Variants in ADAMTSL1 observed in about 807,000 individuals in gnomAD.
ADAMTSL1 encodes the protein ADAMTS-like protein 1.
ADAMTSL1 carries 126 observed loss-of-function variants against 201.8 expected under a neutral mutation model. That is an observed-to-expected ratio of 0.62 (90% CI 0.54 to 0.72). ADAMTSL1 has a LOEUF of 0.72. Among genes scored for constraint, ADAMTSL1 ranks in the 30% least tolerant of loss-of-function variants. The pLI, the probability that ADAMTSL1 is intolerant of heterozygous loss-of-function variation, is 0.00. For synonymous variants in ADAMTSL1, 1,121 were observed against 903.4 expected, an observed-to-expected ratio of 1.24 and a Z score of -4.32; for missense variants, 2,679 against 2,277.8, an observed-to-expected ratio of 1.18 and a Z score of -3.59.
intron 20 of ADAMTSL1, among the ~76,000 whole-genome samples, chr9:18,800,141 C>T (rs1822691837): frequency 6.6e-6 from 1 of 152,068 alleles, no homozygotes; most frequent in African/African-American, 2.4e-5. Context: ...CTTTGGGAGG[C>T]TGAGGCGGGC....
At chr9:18,739,748 G>A (rs1403229881) in intron 15 of ADAMTSL1, among the ~76,000 whole-genome samples, 3 of 152,212 alleles carry the variant, frequency 2.0e-5, no homozygotes, top group Non-Finnish European at 2.9e-5. Flanking sequence ...TGCAGGGGCT[G>A]CTGTTCCCCA....
At chr9:18,119,684 G>C (rs1825417243) in intron 1 of ADAMTSL1, among the ~76,000 whole-genome samples, 1 of 152,068 alleles carries the variant, frequency 6.6e-6, no homozygotes, top group Admixed American at 6.6e-5. Context: ...TCCTGTTTCT[G>C]CAGGAGTCCA....
intron 1 of ADAMTSL1, among the ~76,000 whole-genome samples, chr9:18,020,255 TC>T (rs1282653860): frequency 6.6e-6 from 1 of 152,074 alleles, no homozygotes; most frequent in African/African-American, 2.4e-5. Context: ...TCTACTGGCA[TC>T]ATTCTCTTTA....
chr9:18,718,288 C>G, intron 14 of ADAMTSL1: 2 of 750,732 alleles, frequency 2.7e-6, no homozygotes, highest in Middle Eastern at 4.7e-4. Flanking sequence ...ATGGAATAAA[C>G]TAATGCAAAG....
chr9:18,399,793 A>G (rs1004431449), intron 2 of ADAMTSL1, among the ~76,000 whole-genome samples: 2 of 152,198 alleles, frequency 1.3e-5, no homozygotes, highest in African/African-American at 4.8e-5. Context: ...GGCTTGTTCC[A>G]AGACAAAAAC....
chr9:18,127,621 A>G (rs1373438952), intron 1 of ADAMTSL1, among the ~76,000 whole-genome samples: 2 of 152,122 alleles, frequency 1.3e-5, no homozygotes, highest in Admixed American at 1.3e-4. Context: ...CAGTTTAGAC[A>G]TTTGGCAGGC....
intron 14 of ADAMTSL1, among the ~76,000 whole-genome samples, chr9:18,716,916 T>G (rs1418428893): frequency 7.2e-6 from 1 of 139,424 alleles, no homozygotes; most frequent in Non-Finnish European, 1.6e-5. Context: ...CCATAAAAAA[T>G]GATGAGTTCA....
intron 7 of ADAMTSL1, among the ~76,000 whole-genome samples, chr9:18,648,812 C>T (rs1827997134): frequency 6.6e-6 from 1 of 151,946 alleles, no homozygotes; most frequent in Non-Finnish European, 1.5e-5. Flanking sequence ...TCTCTGGCTG[C>T]CCTTAACATT....
At chr9:18,711,514 C>T (rs1427307221) in intron 14 of ADAMTSL1, among the ~76,000 whole-genome samples, 1 of 152,254 alleles carries the variant, frequency 6.6e-6, no homozygotes, top group Non-Finnish European at 1.5e-5. Context: ...GGGTCACTCC[C>T]ACCCAAATAC....
chr9:17,965,729 C>T (rs1817957397), intron 1 of ADAMTSL1, among the ~76,000 whole-genome samples: 1 of 152,108 alleles, frequency 6.6e-6, no homozygotes, highest in Non-Finnish European at 1.5e-5. Context: ...ATTCTGTGAG[C>T]TGGAGGCCCC....
chr9:18,207,859 G>A (rs953298382), intron 2 of ADAMTSL1, among the ~76,000 whole-genome samples: 11 of 151,528 alleles, frequency 7.3e-5, no homozygotes, highest in Non-Finnish European at 1.5e-4. Flanking sequence ...GTCCTAAGAG[G>A]ATATAAATAT....
At chr9:18,474,444 T>C in intron 1 of ADAMTSL1, 149 bp downstream of exon 1, 1 of 830,652 alleles carries the variant, frequency 1.2e-6, no homozygotes, top group East Asian at 2.5e-5. Context: ...AAAGAGAGAA[T>C]ACTCCTTCTA....
chr9:18,552,879 C>T (rs1173552053), intron 3 of ADAMTSL1, among the ~76,000 whole-genome samples: 2 of 151,480 alleles, frequency 1.3e-5, no homozygotes, highest in Non-Finnish European at 3.0e-5. Context: ...TTTTTCTACT[C>T]CTTTACTTTC....
chr9:18,613,168 T>C (rs551154669), intron 4 of ADAMTSL1, among the ~76,000 whole-genome samples: 10 of 152,262 alleles, frequency 6.6e-5, no homozygotes, highest in African/African-American at 2.4e-4. Flanking sequence ...TGAGATAGCA[T>C]TTCACACCAG....
chr9:18,867,781 C>T (rs956180050), intron 23 of ADAMTSL1, among the ~76,000 whole-genome samples: 11 of 152,102 alleles, frequency 7.2e-5, no homozygotes, highest in African/African-American at 2.4e-4. Context: ...CGCCTGCCAC[C>T]ATGCCAGGCT....
intron 2 of ADAMTSL1, among the ~76,000 whole-genome samples, chr9:18,289,056 A>T (rs1833139602): frequency 6.6e-6 from 1 of 152,196 alleles, no homozygotes. Context: ...AGAATTATAT[A>T]TTAGTCTGGG....
At chr9:18,888,149 A>G (rs1206026572) in intron 24 of ADAMTSL1, 106 bp downstream of exon 24, 1 of 1,212,258 alleles carries the variant, frequency 8.2e-7, no homozygotes, top group Non-Finnish European at 1.1e-6. Context: ...AGTGGTACTC[A>G]AGGCATGAAA....
At chr9:18,648,983 TTTCCAACTTGG>T (rs1479322862) in intron 7 of ADAMTSL1, among the ~76,000 whole-genome samples, 1 of 152,214 alleles carries the variant, frequency 6.6e-6, no homozygotes, top group African/African-American at 2.4e-5. Flanking sequence ...TGCAGAGTGT[TTTCCAACTTGG>T]TTCCATTCTC....
At chr9:18,858,706 C>G (rs1029763943) in intron 23 of ADAMTSL1, among the ~76,000 whole-genome samples, 2 of 152,162 alleles carry the variant, frequency 1.3e-5, no homozygotes, top group African/African-American at 4.8e-5. Flanking sequence ...CACTTGCTTA[C>G]GTCAAATCTT....
Sources: allele counts gnomAD v4.1 joint callset (sites outside exome capture counted in the v4.1 genomes callset), GRCh38; gene constraint gnomAD v4.1.1; transcripts MANE v1.5; gene names NCBI Gene and HGNC (gene_info 2026-07-23, HGNC 2026-07-21).